Variants in NPEPPS observed in about 807,000 individuals in gnomAD.
NPEPPS encodes puromycin-sensitive aminopeptidase.
NPEPPS carries 14 observed loss-of-function variants against 115.5 expected under a neutral mutation model. The observed-to-expected ratio is 0.12, with a 90% confidence interval of 0.08 to 0.19. NPEPPS has a LOEUF of 0.19. Among genes scored for constraint, NPEPPS ranks in the 10% least tolerant of loss-of-function variants. The probability of loss-of-function intolerance (pLI) is 1.00; values close to 1 mark genes in which losing one functional copy is unlikely to be tolerated. For missense variants in NPEPPS, 523 were observed against 1,110.8 expected (o/e 0.47, Z 7.52); for synonymous variants, 285 against 390.6 (o/e 0.73, Z 3.19).
Position 47,587,338 on chromosome 17 carries a change from T to C in NPEPPS, c.1089T>C (p.Val363=). Residue 363 remains valine, a synonymous_variant, in exon 9 of 23, where the codon GTT becomes GTC. Transcript: ENST00000322157. ...ELAHQWFGNL[V]TMEWWTHLWL... ...CCCATCAATGGTTTGGAAATCTTGT[T>C]ACTATGGTATTTAATATTTTTAAGT... 6.3e-7 allele frequency: 1 copy of C among 1,592,438 alleles called. No homozygotes were observed. The highest frequency in any genetic ancestry group is 8.5e-7 in the Non-Finnish European group (1 of 1,172,560).
chr17:47,552,045 TTAC>T, intron 2 of NPEPPS, among the ~76,000 whole-genome samples: 1 of 130,408 alleles, frequency 7.7e-6, no homozygotes, highest in African/African-American at 2.7e-5. Flanking sequence ...CAGTCGTGGC[TTAC>T]TGCAGCCTCC....
At chr17:47,569,900 G>A (rs1911092841) in intron 3 of NPEPPS, among the ~76,000 whole-genome samples, 1 of 152,124 alleles carries the variant, frequency 6.6e-6, no homozygotes, top group African/African-American at 2.4e-5. Context: ...ATTACAGGCA[G>A]GAGCCACCGC....
intron 15 of NPEPPS, 91 bp from the exon 16 acceptor site, chr17:47,603,824 A>G: frequency 8.2e-7 from 1 of 1,223,046 alleles, no homozygotes; most frequent in South Asian, 1.4e-5. Context: ...ATCCAGATAT[A>G]TCTAAAACCA....
intron 15 of NPEPPS, 156 bp from the exon 16 acceptor site, chr17:47,603,759 A>C (rs1039232462): frequency 1.8e-6 from 1 of 569,042 alleles, no homozygotes; most frequent in Admixed American, 3.4e-5. Context: ...TTCTGTCTTG[A>C]TGTGTTGTCT....
intron 13 of NPEPPS, 89 bp from the exon 14 acceptor site, chr17:47,599,587 C>A: frequency 2.1e-6 from 2 of 974,894 alleles, no homozygotes; most frequent in Non-Finnish European, 3.2e-6. Flanking sequence ...GCATTTGTCA[C>A]AGAAATGTTG....
chr17:47,584,225 GAAA>G (rs557048993), intron 5 of NPEPPS, among the ~76,000 whole-genome samples: 1 of 130,394 alleles, frequency 7.7e-6, no homozygotes, highest in East Asian at 2.2e-4. Flanking sequence ...CATCTCGGGG[GAAA>G]AAAAAAAAAA....
intron 9 of NPEPPS, among the ~76,000 whole-genome samples, chr17:47,588,552 G>A (rs1912325714): frequency 6.7e-6 from 1 of 150,044 alleles, no homozygotes; most frequent in Non-Finnish European, 1.5e-5. Flanking sequence ...CAACAAGAGC[G>A]AAACTCCATC....
intron 3 of NPEPPS, among the ~76,000 whole-genome samples, chr17:47,575,654 G>T (rs566244221): frequency 2.0e-5 from 3 of 150,490 alleles, no homozygotes; most frequent in African/African-American, 7.3e-5. Flanking sequence ...GTCCAGGCTG[G>T]AGTGCAGTGG....
intron 1 of NPEPPS, among the ~76,000 whole-genome samples, chr17:47,544,998 C>T (rs1445811406): frequency 2.0e-5 from 3 of 149,768 alleles, no homozygotes; most frequent in Non-Finnish European, 4.4e-5. Context: ...AGCCGATGCC[C>T]CCAGCCTATT....
chr17:47,606,092 G>A (rs1341869125), intron 17 of NPEPPS, among the ~76,000 whole-genome samples: 3 of 152,052 alleles, frequency 2.0e-5, no homozygotes, highest in Non-Finnish European at 4.4e-5. Context: ...GGTCAGGCTG[G>A]TCTCGAACCC....
At chr17:47,567,267 C>A (rs1475348919) in intron 2 of NPEPPS, among the ~76,000 whole-genome samples, 1 of 152,144 alleles carries the variant, frequency 6.6e-6, no homozygotes, top group Non-Finnish European at 1.5e-5. Context: ...TATTAAAGTT[C>A]TTTTAAAATC....
At chr17:47,614,538 C>T (rs1415083391) in intron 19 of NPEPPS, among the ~76,000 whole-genome samples, 1 of 152,134 alleles carries the variant, frequency 6.6e-6, no homozygotes, top group Non-Finnish European at 1.5e-5. Flanking sequence ...CTAGTTTTCC[C>T]AGAGTAATTG....
upstream of NPEPPS, among the ~76,000 whole-genome samples, chr17:47,530,171 C>T (rs1440814299): frequency 6.8e-6 from 1 of 146,162 alleles, no homozygotes; most frequent in East Asian, 2.0e-4. Flanking sequence ...TCTTGAACTC[C>T]TAACCTTGTG....
chr17:47,556,837 T>A (rs946099935), intron 2 of NPEPPS, among the ~76,000 whole-genome samples: 5 of 152,052 alleles, frequency 3.3e-5, no homozygotes, highest in African/African-American at 1.2e-4. Flanking sequence ...AGAGATGGGG[T>A]TTCCCCACGT....
In NPEPPS at chr17:47,613,666, T is replaced by C. The variant is rs1420982049; in HGVS notation, c.2239-3T>C. 1 of 1,607,994 alleles carries C rather than the reference T, an allele frequency of 6.2e-7. No individual in the cohort carries two copies. The highest frequency in any genetic ancestry group is 8.5e-7 in the Non-Finnish European group (1 of 1,175,976). Reference sequence around the variant, plus strand: ...CAAATGACTTATTTTTTGTCCCTTGTAGGTCTATCTGACTGTTTTGAAGCA... The same window carrying C: ...CAAATGACTTATTTTTTGTCCCTTGCAGGTCTATCTGACTGTTTTGAAGCA... On this transcript the variant is annotated splice_polypyrimidine_tract_variant and splice_region_variant and intron_variant, in intron 18 of 22. Coordinates refer to ENST00000322157, the MANE Select transcript of NPEPPS (RefSeq NM_006310.4).
chr17:47,599,711 G>C lies in NPEPPS; in HGVS notation c.1572G>C (p.Lys524Asn). The C allele has an allele frequency of 2.6e-6, 4 of 1,563,068 alleles. No individual in the cohort carries two copies. Among genetic ancestry groups the C allele is most frequent in the Non-Finnish European group, 3.5e-6 (4 of 1,152,060 alleles). ...EDDRLLRLSQ[K>N]KFCAGGSYVG... Reference sequence around the variant, plus strand: ...ACAGATTATTGAGGTTGTCCCAAAAGAAGTTCTGTGCTGGTGGGTCATATG... The same window carrying C: ...ACAGATTATTGAGGTTGTCCCAAAACAAGTTCTGTGCTGGTGGGTCATATG... The change falls in exon 14 of 23, where the codon AAG (lysine) becomes AAC (asparagine). Residue 524 changes from lysine (K) to asparagine (N), a missense_variant. Physicochemically the swap from Lys to Asn is moderately conservative, Grantham distance 94. This residue lies in a region of NPEPPS where 372 missense variants were observed against 542.6 expected (regional missense o/e 0.69). Transcript: ENST00000322157.
intron 2 of NPEPPS, among the ~76,000 whole-genome samples, chr17:47,554,344 T>C (rs1482957395): frequency 7.2e-5 from 11 of 151,928 alleles, no homozygotes; most frequent in African/African-American, 2.4e-4. Context: ...CCAGCCAATA[T>C]CTTCTTTTTA....
chr17:47,548,515 T>TG (rs1164846635), intron 2 of NPEPPS, among the ~76,000 whole-genome samples: 3 of 151,938 alleles, frequency 2.0e-5, no homozygotes, highest in Non-Finnish European at 4.4e-5. Context: ...CCAGCTGGCA[T>TG]GGTTTCAGCT....
intron 12 of NPEPPS, chr17:47,592,773 A>G (rs1379750711): frequency 2.3e-6 from 1 of 426,756 alleles, no homozygotes; most frequent in Non-Finnish European, 4.4e-6. Context: ...TTTTTTAATT[A>G]AAGTTCTAGG....
Sources: allele counts gnomAD v4.1 joint callset (sites outside exome capture counted in the v4.1 genomes callset), GRCh38; gene constraint gnomAD v4.1.1; regional missense constraint gnomAD v4.1.1; transcripts MANE v1.5; gene names NCBI Gene and HGNC (gene_info 2026-07-23, HGNC 2026-07-21).